The following SPTB variants were observed in gnomAD, a reference collection of about 807,000 sequenced individuals.
The protein encoded by SPTB is spectrin beta, erythrocytic.
SPTB carries 45 observed loss-of-function variants against 256.2 expected under a neutral mutation model. The ratio of observed to expected loss-of-function variants is 0.18; its 90% CI spans 0.14 to 0.23. The LOEUF (loss-of-function observed/expected upper bound fraction) is 0.23. Among genes scored for constraint, SPTB ranks in the 10% least tolerant of loss-of-function variants. SPTB has a pLI of 1.00. For synonymous variants in SPTB, 1,231 were observed against 1,243.1 expected (o/e 0.99, Z 0.21); for missense variants, 2,715 against 3,040.4 (o/e 0.89, Z 2.52).
Position 64,795,291 on chromosome 14 carries a change from A to G in SPTB, c.1644+46T>C. On this transcript the variant is annotated intron_variant, in intron 12 of 35. Transcript: ENST00000644917. The surrounding 1 kb of genome is among the most constrained non-coding windows in gnomAD (Gnocchi z 6.5). Reference sequence around the variant, plus strand: ...GCTAACTGCAGGGCCACTGAGACCCAAGGTGAGCACTGCAGGGCATGGCGG... The same window carrying G: ...GCTAACTGCAGGGCCACTGAGACCCGAGGTGAGCACTGCAGGGCATGGCGG... 2 of 1,599,950 alleles carry G rather than the reference A, an allele frequency of 1.3e-6. No individual in the cohort carries two copies. The highest frequency in any genetic ancestry group is 1.7e-6 in the Non-Finnish European group (2 of 1,178,086).
At position 64,786,368 on chromosome 14, in the gene SPTB, G is replaced by C. The variant is rs376938907; in HGVS notation, c.3561+36C>G. On this transcript the variant is annotated intron_variant, in intron 16 of 35. Coordinates refer to ENST00000644917, the MANE Select transcript of SPTB (RefSeq NM_001355436.2). The surrounding 1 kb of genome is among the most constrained non-coding windows in gnomAD (Gnocchi z 5.6). ...CTCACCACAAGAGCTACTGCCCTGA[G>C]AGACCCGCCTGTCCCAGCCCTGAAT... 3.7e-6 allele frequency: 6 copies of C among 1,612,932 alleles called. No homozygotes were observed. Among genetic ancestry groups the C allele is most frequent in the Non-Finnish European group, 5.1e-6 (6 of 1,180,002 alleles).
At chr14:64,809,495 A>G (rs2083048948) in intron 2 of SPTB, among the ~76,000 whole-genome samples, 1 of 151,734 alleles carries the variant, frequency 6.6e-6, no homozygotes, top group Non-Finnish European at 1.5e-5. Flanking sequence ...ACAGGCGTGC[A>G]CCACCATACC....
At chr14:64,761,007 A>T (rs1216544847) in intron 32 of SPTB, among the ~76,000 whole-genome samples, 2 of 152,222 alleles carry the variant, frequency 1.3e-5, no homozygotes, top group African/African-American at 2.4e-5. Flanking sequence ...TGCAAAACAC[A>T]TGGCTGATTG....
rs765467777 is a variant in SPTB at position 64,769,734 on chromosome 14, G to A, written c.5799-6C>T. The A allele has an allele frequency of 1.3e-5, 21 of 1,614,004 alleles. No individual in the cohort carries two copies. In the East Asian group the frequency reaches 4.2e-4, roughly 33 times the overall value. ...GTTCCACAGAGGAGACATCCCTGGG[G>A]GACAGGAGGACAAGGGAAGAAGGGA... On this transcript the variant is annotated splice_polypyrimidine_tract_variant and splice_region_variant and intron_variant, in intron 27 of 35. Coordinates refer to ENST00000644917, the MANE Select transcript of SPTB (RefSeq NM_001355436.2).
In SPTB at chr14:64,772,925, G is replaced by A; in HGVS notation, c.5208C>T (p.Ala1736=). 3 of 1,603,644 alleles carry A rather than the reference G, an allele frequency of 1.9e-6. No homozygotes were observed. The highest frequency in any genetic ancestry group is 2.6e-6 in the Non-Finnish European group (3 of 1,173,922). ...CCTGCCCAATCGCCCCGGTCTCCCG[G>A]GCAAAGTCCCGGAACTTGTCCCGCA... is the stretch of plus-strand genomic sequence containing the variant. ...TLLRDKFRDF[A]RETGAIGQER... is the part of the protein sequence containing the mutation. Residue 1736 remains alanine (A), a synonymous_variant, in exon 26 of 36, where the codon GCC becomes GCT. Coordinates refer to ENST00000644917, the MANE Select transcript of SPTB (RefSeq NM_001355436.2). The surrounding 1 kb of genome is among the most constrained non-coding windows in gnomAD (Gnocchi z 5.4).
chr14:64,865,632 T>C (rs997602784), intron 1 of SPTB, among the ~76,000 whole-genome samples: 1 of 152,176 alleles, frequency 6.6e-6, no homozygotes, highest in Non-Finnish European at 1.5e-5. Context: ...ATGCACCCAC[T>C]GGGCTCACCA....
In SPTB at chr14:64,841,905, G is replaced by GC. The variant is rs1303669803; in HGVS notation, c.-51-18761dup. On this transcript the variant is annotated intron_variant, in intron 1 of 35. Coordinates refer to ENST00000644917, the MANE Select transcript of SPTB (RefSeq NM_001355436.2). This position sits in a 1 kb window ranked among gnomAD's most constrained non-coding sequence, Gnocchi z 4.6. ...ACGCTCTCCTCATATCTGTTAAAGAGCGCGGCAAATGTTATCTGGAAGCAG... is the reference window on the plus strand; with the variant it reads ...ACGCTCTCCTCATATCTGTTAAAGAGCCGCGGCAAATGTTATCTGGAAGCAG... Among the ~76,000 whole-genome samples the GC allele has an allele frequency of 6.6e-6, 1 of 152,210 alleles. No homozygotes were observed. Among genetic ancestry groups the GC allele is most frequent in the Non-Finnish European group, 1.5e-5 (1 of 68,038 alleles).
Position 64,784,110 on chromosome 14 carries a change from C to T in SPTB, c.4002+137G>A, listed in dbSNP as rs17826105. ...ATCAGGAGCTCTGAAGGTTTAGCTA[C>T]TATTTAGAAAAGTTGTTCGCTGCCA... On this transcript the variant is annotated intron_variant, in intron 19 of 35. Coordinates refer to ENST00000644917, the MANE Select transcript of SPTB (RefSeq NM_001355436.2). 0.06 allele frequency: 78,287 copies of T among 1,309,128 alleles called. 3,069 individuals carry two copies. The highest frequency in any genetic ancestry group is 0.2 in the East Asian group (7,851 of 39,392). The allele number at this position is 1,309,128 out of a possible 1,614,324, so 81.1% of individuals were successfully genotyped here. A position where few individuals can be genotyped will look rare whatever the true frequency, so the allele number is the denominator to read the frequency against.
chr14:64,854,274 C>CTTTTTTTTTT (rs1206368948), intron 1 of SPTB, among the ~76,000 whole-genome samples: 1 of 73,264 alleles, frequency 1.4e-5, no homozygotes, highest in Non-Finnish European at 2.4e-5. Flanking sequence ...TTTCCAAACT[C>CTTTTTTTTTT]TTTTTTTTTT....
At chr14:64,854,702 C>T (rs1329062347) in intron 1 of SPTB, among the ~76,000 whole-genome samples, 1 of 152,100 alleles carries the variant, frequency 6.6e-6, no homozygotes, top group African/African-American at 2.4e-5. Context: ...AAGCTGGGCC[C>T]AGAAAACCAC....
intron 2 of SPTB, among the ~76,000 whole-genome samples, chr14:64,822,522 T>C (rs999193193): frequency 2.0e-5 from 3 of 151,836 alleles, no homozygotes; most frequent in Non-Finnish European, 4.4e-5. Flanking sequence ...CGATTTCCTA[T>C]CCAATCACTC....
At chr14:64,769,829 G>C (rs229597) in intron 27 of SPTB, 101 bp from the exon 28 acceptor site, 178,901 of 1,519,270 alleles carry the variant, frequency 0.12, 14,709 homozygotes, top group African/African-American at 0.42. Flanking sequence ...CTGTGGGAGT[G>C]TGACCGTGCT....
intron 2 of SPTB, among the ~76,000 whole-genome samples, chr14:64,817,884 C>T (rs771610248): frequency 1.3e-5 from 2 of 152,224 alleles, no homozygotes; most frequent in Non-Finnish European, 2.9e-5. Context: ...AACTTAACCT[C>T]GGGACCTGCA....
intron 20 of SPTB, among the ~76,000 whole-genome samples, chr14:64,781,599 C>T (rs563563681): frequency 1.8e-4 from 28 of 152,218 alleles, no homozygotes; most frequent in African/African-American, 6.7e-4. Flanking sequence ...AAAAGGGAAC[C>T]CTTATACACC....
At chr14:64,794,885 A>G (rs546130043) in intron 12 of SPTB, among the ~76,000 whole-genome samples, 1 of 152,312 alleles carries the variant, frequency 6.6e-6, no homozygotes, top group South Asian at 2.1e-4. Context: ...GGGCCTGGCC[A>G]TGTGTATTTT....
At chr14:64,865,464 T>A (rs1445023491) in intron 1 of SPTB, among the ~76,000 whole-genome samples, 1 of 152,008 alleles carries the variant, frequency 6.6e-6, no homozygotes, top group East Asian at 1.9e-4. Context: ...CAACTCCGCA[T>A]CCCTCCCCCA....
Position 64,817,153 on chromosome 14 carries a change from C to T in SPTB, c.148+5794G>A, listed in dbSNP as rs1191830846. Among the ~76,000 whole-genome samples, 3 of 151,972 alleles carry T rather than the reference C, an allele frequency of 2.0e-5. No homozygotes were observed. The East Asian group carries it at 5.8e-4, about 29-fold the overall frequency. The stretch of plus-strand genomic sequence containing the variant: ...AGAGTGGTAAGGGGACAATGGAAGG[C>T]ATTATGTCCTGGGCAGGGGAAACCT... On this transcript the variant is annotated intron_variant, in intron 2 of 35. Coordinates refer to ENST00000644917, the MANE Select transcript of SPTB (RefSeq NM_001355436.2).
intron 32 of SPTB, among the ~76,000 whole-genome samples, chr14:64,762,699 C>T (rs572710135): frequency 3.0e-4 from 45 of 152,324 alleles, no homozygotes; most frequent in Non-Finnish European, 5.9e-4. Context: ...TGGAAGGCCA[C>T]GCGGAAGAAT....
In SPTB at chr14:64,749,427, T is replaced by G. The variant is rs762253784; in HGVS notation, c.6866A>C (p.Glu2289Ala). 63 of 1,605,324 alleles carry G rather than the reference T, an allele frequency of 3.9e-5. No homozygotes were observed. Among genetic ancestry groups the G allele is most frequent in the Non-Finnish European group, 4.9e-5 (58 of 1,179,340 alleles). The change falls in exon 36 of 36, where the codon GAG becomes GCG. Residue 2289 changes from glutamate to alanine, a missense_variant. Coordinates refer to ENST00000644917, the MANE Select transcript of SPTB (RefSeq NM_001355436.2). This position sits in a 1 kb window ranked among gnomAD's most constrained non-coding sequence, Gnocchi z 4.7. ...WLQGVSTAIN[E>A]SQSIRVKAQS... ...CGCCTTGACGCGGATGCTCTGGGAC[T>G]CGTTGATGGCGGTGCTCACGCCCTG...
Sources: allele counts gnomAD v4.1 joint callset (sites outside exome capture counted in the v4.1 genomes callset), GRCh38; gene constraint gnomAD v4.1.1; non-coding constraint Gnocchi (gnomAD v3.1); transcripts MANE v1.5; gene names NCBI Gene and HGNC (gene_info 2026-07-23, HGNC 2026-07-21).